The following PCDH9 variants were observed in gnomAD, a reference collection of about 807,000 sequenced individuals.
The protein encoded by PCDH9 is protocadherin-9.
In PCDH9, 24 loss-of-function variants were observed where a neutral mutation model predicts 70.6. The observed-to-expected ratio is 0.34, with a 90% CI of 0.25 to 0.48. The LOEUF (loss-of-function observed/expected upper bound fraction) is 0.48. Among genes scored for constraint, PCDH9 ranks in the 20% least tolerant of loss-of-function variants. PCDH9 has a pLI of 0.99. For missense variants in PCDH9, 1,281 were observed against 1,503.6 expected, an observed-to-expected ratio of 0.85 and a Z score of 2.45; for synonymous variants, 562 against 558.5, an observed-to-expected ratio of 1.01 and a Z score of -0.09.
intron 4 of PCDH9, among the ~76,000 whole-genome samples, chr13:66,450,242 C>T (rs1475249366): frequency 6.6e-6 from 1 of 152,000 alleles, no homozygotes; most frequent in Non-Finnish European, 1.5e-5. Flanking sequence ...CCATTTTGCA[C>T]CAAAACATAT....
At chr13:66,580,295 T>A (rs916045187) in intron 4 of PCDH9, among the ~76,000 whole-genome samples, 8 of 152,014 alleles carry the variant, frequency 5.3e-5, no homozygotes, top group Non-Finnish European at 1.2e-4. Flanking sequence ...CAACTATTTA[T>A]TTTGAGATTA....
intron 4 of PCDH9, among the ~76,000 whole-genome samples, chr13:66,375,646 A>C (rs1238798691): frequency 6.6e-6 from 1 of 152,144 alleles, no homozygotes; most frequent in Non-Finnish European, 1.5e-5. Context: ...AACACTCTAA[A>C]TTACAGGCAG....
At chr13:66,501,730 A>G (rs1262028621) in intron 4 of PCDH9, among the ~76,000 whole-genome samples, 1 of 152,110 alleles carries the variant, frequency 6.6e-6, no homozygotes, top group South Asian at 2.1e-4. Flanking sequence ...TGCATTCTCA[A>G]TGACTAAAAA....
At chr13:66,944,051 T>A (rs2083048801) in intron 2 of PCDH9, among the ~76,000 whole-genome samples, 1 of 152,142 alleles carries the variant, frequency 6.6e-6, no homozygotes, top group Non-Finnish European at 1.5e-5. Context: ...AATGAAATAA[T>A]GATTAGTAAA....
intron 3 of PCDH9, among the ~76,000 whole-genome samples, chr13:66,679,390 G>C (rs1002904066): frequency 6.6e-6 from 1 of 151,786 alleles, no homozygotes; most frequent in African/African-American, 2.4e-5. Context: ...TTAGAGCTCA[G>C]TTGCATTTTG....
At chr13:67,035,009 T>C (rs770430617) in intron 2 of PCDH9, among the ~76,000 whole-genome samples, 2 of 152,116 alleles carry the variant, frequency 1.3e-5, no homozygotes, top group Non-Finnish European at 2.9e-5. Context: ...AGCATGTACA[T>C]GTATATACAT....
chr13:66,356,997 C>T (rs1233252789), intron 4 of PCDH9, among the ~76,000 whole-genome samples: 3 of 151,962 alleles, frequency 2.0e-5, no homozygotes, highest in Non-Finnish European at 4.4e-5. Context: ...TTCCATTTCC[C>T]CATACCAGTG....
chr13:67,091,183 A>G (rs1487116427), intron 2 of PCDH9, among the ~76,000 whole-genome samples: 2 of 152,256 alleles, frequency 1.3e-5, no homozygotes, highest in East Asian at 3.9e-4. Flanking sequence ...ATTAATTTAA[A>G]TGAGTTCTAC....
intron 3 of PCDH9, among the ~76,000 whole-genome samples, chr13:66,731,747 C>G (rs1315143653): frequency 6.6e-6 from 1 of 152,062 alleles, no homozygotes; most frequent in Non-Finnish European, 1.5e-5. Flanking sequence ...ATACCTCAAA[C>G]CAAGACTGGC....
chr13:66,550,877 T>C (rs866004126), intron 4 of PCDH9, among the ~76,000 whole-genome samples: 1 of 152,166 alleles, frequency 6.6e-6, no homozygotes, highest in African/African-American at 2.4e-5. Flanking sequence ...CATTGTAAAC[T>C]GAATGTTTAT....
chr13:66,740,667 T>C (rs1189675960), intron 3 of PCDH9, among the ~76,000 whole-genome samples: 5 of 151,264 alleles, frequency 3.3e-5, no homozygotes, highest in African/African-American at 1.2e-4. Context: ...ATATCACCAC[T>C]GATCCCACAG....
In PCDH9 at chr13:66,848,067, T is replaced by C. The variant is rs142224607; in HGVS notation, c.3138+55437A>G. 8.0e-3 allele frequency among the ~76,000 whole-genome samples: 1,214 copies of C among 152,286 alleles called. 12 individuals are homozygous for C. Among genetic ancestry groups the C allele is most frequent in the African/African-American group, 0.027 (1,128 of 41,548 alleles). On this transcript the variant is annotated intron_variant, in intron 3 of 4. Coordinates refer to ENST00000377865, the MANE Select transcript of PCDH9 (RefSeq NM_203487.3). ...CTGATTTCTTATTACCCATGGCTTATAAGAAACACCAATCTCCTGTATTTC... is the reference window on the plus strand; with the variant it reads ...CTGATTTCTTATTACCCATGGCTTACAAGAAACACCAATCTCCTGTATTTC...
At chr13:66,777,074 C>G (rs984362739) in intron 3 of PCDH9, among the ~76,000 whole-genome samples, 5 of 150,312 alleles carry the variant, frequency 3.3e-5, no homozygotes, top group African/African-American at 1.2e-4. Context: ...ACTGGCTAGC[C>G]ATATGTAGAA....
At chr13:67,174,160 C>T (rs1291968243) in intron 2 of PCDH9, among the ~76,000 whole-genome samples, 5 of 151,722 alleles carry the variant, frequency 3.3e-5, no homozygotes, top group Admixed American at 2.0e-4. Flanking sequence ...TCTTAAGTAC[C>T]CCTACATTCC....
intron 2 of PCDH9, among the ~76,000 whole-genome samples, chr13:67,105,148 T>C (rs1033722940): frequency 1.3e-5 from 2 of 152,144 alleles, no homozygotes; most frequent in Non-Finnish European, 2.9e-5. Flanking sequence ...CTTTTTATAG[T>C]TGGATCACAA....
In PCDH9 at chr13:66,536,134, A is replaced by G. The variant is rs539193578; in HGVS notation, c.3340+95076T>C. On this transcript the variant is annotated intron_variant, in intron 4 of 4. Coordinates refer to ENST00000377865, the MANE Select transcript of PCDH9 (RefSeq NM_203487.3). ...AAGCAATTTTTCCATTAATATCTCA[A>G]TTGATTATTCATACCACCCCATATG... is the stretch of plus-strand genomic sequence containing the variant. Among the ~76,000 whole-genome samples, 7 of 152,102 alleles carry G rather than the reference A, an allele frequency of 4.6e-5. No homozygotes were observed. The South Asian group carries it at 1.5e-3, about 32-fold the overall frequency.
intron 4 of PCDH9, among the ~76,000 whole-genome samples, chr13:66,475,619 C>T (rs548031337): frequency 6.6e-6 from 1 of 151,890 alleles, no homozygotes; most frequent in South Asian, 2.1e-4. Flanking sequence ...TTTCCTATGC[C>T]CACACAAAGT....
chr13:66,570,238 A>G (rs1223370225), intron 4 of PCDH9, among the ~76,000 whole-genome samples: 1 of 152,160 alleles, frequency 6.6e-6, no homozygotes, highest in Non-Finnish European at 1.5e-5. Context: ...GATTATGGTT[A>G]CCATGGATTA....
intron 3 of PCDH9, among the ~76,000 whole-genome samples, chr13:66,836,934 G>A (rs528269096): frequency 4.9e-4 from 74 of 152,272 alleles, no homozygotes; most frequent in African/African-American, 1.8e-3. Flanking sequence ...CAGCGCTCGA[G>A]TACAAAATTT....
Sources: gnomAD v4.1 joint callset for allele counts (sites outside exome capture counted in the v4.1 genomes callset) on GRCh38, gnomAD v4.1.1 for gene constraint, MANE v1.5 for transcripts, NCBI Gene and HGNC (gene_info 2026-07-23, HGNC 2026-07-21) for gene names.